FGF14: variants seen among roughly 807,000 people sequenced by gnomAD.
FGF14 encodes fibroblast growth factor 14, also known as fibroblast growth factor homologous factor 4.
FGF14 carries 5 observed loss-of-function variants against 25.5 expected under a neutral mutation model. That is an observed-to-expected ratio of 0.20 (90% CI 0.10 to 0.41). The LOEUF (loss-of-function observed/expected upper bound fraction) is 0.41. Ranked by LOEUF, FGF14 falls within the 10% of genes least tolerant of loss-of-function variation. The probability of loss-of-function intolerance (pLI) is 1.00; values close to 1 mark genes in which losing one functional copy is unlikely to be tolerated. For missense variants in FGF14, 222 were observed against 320.1 expected, an observed-to-expected ratio of 0.69 and a Z score of 2.34; for synonymous variants, 138 against 118.3, an observed-to-expected ratio of 1.17 and a Z score of -1.08.
At chr13:101,768,207 A>T (rs1354894158) in intron 3 of FGF14, among the ~76,000 whole-genome samples, 1 of 152,162 alleles carries the variant, frequency 6.6e-6, no homozygotes, top group Non-Finnish European at 1.5e-5. Flanking sequence ...AAGCTTGATG[A>T]ATGTCCACAT....
At chr13:102,172,701 C>A (rs2048299646) in intron 1 of FGF14, among the ~76,000 whole-genome samples, 1 of 152,100 alleles carries the variant, frequency 6.6e-6, no homozygotes, top group African/African-American at 2.4e-5. Flanking sequence ...TTTGAGCCCA[C>A]AATGAAGAGC....
At chr13:102,356,518 G>C (rs1318452258) in intron 1 of FGF14, among the ~76,000 whole-genome samples, 7 of 152,140 alleles carry the variant, frequency 4.6e-5, no homozygotes, top group Admixed American at 4.6e-4. Flanking sequence ...CCACCAAAAA[G>C]TTATATGTTA....
intron 3 of FGF14, among the ~76,000 whole-genome samples, chr13:101,791,977 C>G (rs2040261471): frequency 6.6e-6 from 1 of 152,060 alleles, no homozygotes; most frequent in Non-Finnish European, 1.5e-5. Flanking sequence ...AAATGTACTA[C>G]CCAATGAACA....
chr13:102,034,822 T>C (rs2041390070), intron 1 of FGF14, among the ~76,000 whole-genome samples: 1 of 152,124 alleles, frequency 6.6e-6, no homozygotes, highest in South Asian at 2.1e-4. Flanking sequence ...CTTGAGCACC[T>C]GCTGGAGTAA....
chr13:102,321,557 C>T (rs1292625160), intron 1 of FGF14, among the ~76,000 whole-genome samples: 2 of 151,924 alleles, frequency 1.3e-5, no homozygotes, highest in African/African-American at 4.8e-5. Flanking sequence ...GTGGCTTTTC[C>T]ATACTCTATT....
At chr13:102,368,481 C>CG (rs1193087242) in intron 1 of FGF14, among the ~76,000 whole-genome samples, 13 of 152,140 alleles carry the variant, frequency 8.5e-5, no homozygotes, top group Admixed American at 5.2e-4. Flanking sequence ...ATTATGACCA[C>CG]GGGGGGTTCA....
intron 1 of FGF14, among the ~76,000 whole-genome samples, chr13:102,253,172 T>C (rs2052272434): frequency 6.6e-6 from 1 of 152,166 alleles, no homozygotes; most frequent in Non-Finnish European, 1.5e-5. Context: ...TATAATCCTT[T>C]GGGTATATAC....
At chr13:101,885,804 T>C (rs1390797397) in intron 1 of FGF14, among the ~76,000 whole-genome samples, 1 of 151,652 alleles carries the variant, frequency 6.6e-6, no homozygotes, top group African/African-American at 2.4e-5. Context: ...TAGCCCTCAA[T>C]GAACCAGGTT....
At chr13:101,966,483 TTTTG>T (rs766816682) in intron 1 of FGF14, among the ~76,000 whole-genome samples, 2 of 151,946 alleles carry the variant, frequency 1.3e-5, no homozygotes, top group African/African-American at 2.4e-5. Flanking sequence ...TTTTTTTTGT[TTTTG>T]TTTTTGTTTT....
At chr13:101,800,695 A>C (rs2040823087) in intron 3 of FGF14, among the ~76,000 whole-genome samples, 1 of 152,208 alleles carries the variant, frequency 6.6e-6, no homozygotes. Flanking sequence ...GACAGATGGC[A>C]AGACAGTCTG....
intron 1 of FGF14, among the ~76,000 whole-genome samples, chr13:102,258,674 C>T (rs1049294160): frequency 6.6e-6 from 1 of 152,178 alleles, no homozygotes; most frequent in African/African-American, 2.4e-5. Flanking sequence ...ATAGCTGTCT[C>T]AATGAATCAC....
intron 3 of FGF14, among the ~76,000 whole-genome samples, chr13:101,797,382 T>C (rs754502824): frequency 2.0e-5 from 3 of 152,124 alleles, no homozygotes; most frequent in Non-Finnish European, 2.9e-5. Flanking sequence ...ATTTGTCACA[T>C]GTAATTGTGC....
intron 1 of FGF14, among the ~76,000 whole-genome samples, chr13:102,216,965 A>G (rs1447001966): frequency 6.6e-6 from 1 of 152,174 alleles, no homozygotes; most frequent in Non-Finnish European, 1.5e-5. Context: ...AGGTTCATTC[A>G]TGTTGCCACG....
At position 101,992,330 on chromosome 13, in the gene FGF14, G is replaced by A. The variant is rs117882307; in HGVS notation, c.209-117034C>T. ...AGGAAACAGTAAACACAGCATGTTA[G>A]CCAGATAAATATCAAACCTCATATT... On this transcript the variant is annotated intron_variant, in intron 1 of 4. Transcript: ENST00000376131. 6.4e-4 allele frequency among the ~76,000 whole-genome samples: 97 copies of A among 152,206 alleles called. No individual in the cohort carries two copies. The East Asian group carries it at 0.015, about 24-fold the overall frequency.
intron 3 of FGF14, among the ~76,000 whole-genome samples, chr13:101,780,999 A>G (rs941960395): frequency 6.6e-5 from 10 of 151,890 alleles, no homozygotes; most frequent in Admixed American, 6.6e-4. Context: ...TCAGCCACAC[A>G]TGTCCATCTT....
chr13:101,784,159 C>T lies in FGF14; in HGVS notation c.409-57349G>A, dbSNP rs371688197. Among the ~76,000 whole-genome samples the T allele has an allele frequency of 9.2e-5, 14 of 152,144 alleles. No individual in the cohort carries two copies. The South Asian group carries it at 1.0e-3, about 11-fold the overall frequency. ...CTCTAACTTATCCTGTACATTAGTG[C>T]CAAATTGATATTCCTTAAAGTTCTT... On this transcript the variant is annotated intron_variant, in intron 3 of 4. Coordinates refer to ENST00000376143, the MANE Select transcript of FGF14 (RefSeq NM_004115.4).
chr13:102,245,950 T>C (rs181959866), intron 1 of FGF14, among the ~76,000 whole-genome samples: 7 of 152,122 alleles, frequency 4.6e-5, no homozygotes, highest in Admixed American at 6.6e-5. Context: ...GCCTTCATTT[T>C]TCCTACTTAC....
chr13:101,836,418 C>G (rs968309688), intron 3 of FGF14, among the ~76,000 whole-genome samples: 1 of 151,872 alleles, frequency 6.6e-6, no homozygotes, highest in Non-Finnish European at 1.5e-5. Flanking sequence ...TATACTGGAC[C>G]AGAATTTTAA....
intron 1 of FGF14, among the ~76,000 whole-genome samples, chr13:102,096,440 A>G (rs910641832): frequency 6.6e-6 from 1 of 150,700 alleles, no homozygotes; most frequent in African/African-American, 2.4e-5. Context: ...TAAAAAAAAA[A>G]CACACCACTA....
Sources: allele counts gnomAD v4.1 joint callset (sites outside exome capture counted in the v4.1 genomes callset), GRCh38; gene constraint gnomAD v4.1.1; transcripts MANE v1.5; gene names NCBI Gene and HGNC (gene_info 2026-07-23, HGNC 2026-07-21).